The following ZNF705G variants were observed in gnomAD, a reference collection of about 807,000 sequenced individuals.
The protein encoded by ZNF705G is zinc finger protein 705G.
Under a neutral mutation model 19.6 loss-of-function variants are expected in ZNF705G, and 23 were observed. The ratio of observed to expected loss-of-function variants is 1.17; its 90% CI spans 0.84 to 1.66. ZNF705G has a LOEUF of 1.66. ZNF705G is among the 40% of genes most tolerant of loss of function. The pLI is 0.00. For synonymous variants in ZNF705G, 146 were observed against 117.7 expected (o/e 1.24, Z -1.56); for missense variants, 457 against 354.4 (o/e 1.29, Z -2.32).
intron 3 of ZNF705G, among the ~76,000 whole-genome samples, 191 bp downstream of exon 3, chr8:7,362,744 C>G (rs1806661585): frequency 6.7e-6 from 1 of 149,290 alleles, no homozygotes; most frequent in Non-Finnish European, 1.5e-5. Context: ...CCTGAGAAAA[C>G]TTAATGGGGG....
At chr8:7,382,721 A>G (rs1157637863) in intron 1 of ZNF705G, among the ~76,000 whole-genome samples, 3 of 146,690 alleles carry the variant, frequency 2.0e-5, no homozygotes, top group East Asian at 1.9e-4. Flanking sequence ...ATTTAATACC[A>G]CTGACATTAC....
At chr8:7,364,546 T>C (rs1806769813) in intron 2 of ZNF705G, among the ~76,000 whole-genome samples, 1 of 149,552 alleles carries the variant, frequency 6.7e-6, no homozygotes, top group Non-Finnish European at 1.5e-5. Flanking sequence ...CCAGCAATAC[T>C]TTTAATTATA....
At chr8:7,380,002 G>T (rs1807417122) in intron 2 of ZNF705G, among the ~76,000 whole-genome samples, 1 of 141,742 alleles carries the variant, frequency 7.1e-6, no homozygotes, top group African/African-American at 3.1e-5. Flanking sequence ...AATACCAGCT[G>T]AACTCACCAG....
chr8:7,368,011 C>A (rs1806938085), intron 2 of ZNF705G, among the ~76,000 whole-genome samples: 1 of 149,648 alleles, frequency 6.7e-6, no homozygotes, highest in Non-Finnish European at 1.5e-5. Context: ...AAGCAAGCAG[C>A]AAGACTCTTT....
chr8:7,367,595 G>C (rs1585418032), intron 2 of ZNF705G, among the ~76,000 whole-genome samples: 1 of 149,576 alleles, frequency 6.7e-6, no homozygotes, highest in South Asian at 2.1e-4. Flanking sequence ...CCTAAAGGAC[G>C]AATCACGGGA....
chr8:7,382,412 T>G (rs1222490188), intron 1 of ZNF705G, among the ~76,000 whole-genome samples: 2 of 146,690 alleles, frequency 1.4e-5, no homozygotes, highest in Non-Finnish European at 2.9e-5. Flanking sequence ...TGGTGCCTTT[T>G]TTCCCCAGAA....
At chr8:7,382,207 C>G (rs1348860952) in intron 1 of ZNF705G, among the ~76,000 whole-genome samples, 1 of 150,372 alleles carries the variant, frequency 6.7e-6, no homozygotes, top group South Asian at 2.1e-4. Context: ...ACAACAACGA[C>G]AACAATTCAT....
intron 2 of ZNF705G, among the ~76,000 whole-genome samples, chr8:7,370,081 G>A (rs995693183): frequency 1.1e-4 from 16 of 147,470 alleles, no homozygotes; most frequent in Admixed American, 6.0e-4. Context: ...GGCTAACACC[G>A]TGAAACCCTG....
At chr8:7,360,862 G>C (rs1484132689) in intron 4 of ZNF705G, among the ~76,000 whole-genome samples, 2 of 149,386 alleles carry the variant, frequency 1.3e-5, no homozygotes, top group East Asian at 3.9e-4. Context: ...ATTAGAGACT[G>C]AGTACCAAAG....
rs542048304 is a variant in ZNF705G, at chr8:7,367,827, A to C, written c.-71-4810T>G. Among the ~76,000 whole-genome samples the C allele has an allele frequency of 4.7e-5, 7 of 149,856 alleles. 1 individual carries two copies. Among genetic ancestry groups the C allele is most frequent in the Non-Finnish European group, 7.3e-5 (5 of 68,036 alleles). On this transcript the variant is annotated intron_variant, in intron 2 of 6. Transcript: ENST00000400156. ...TCTTTCTTCTAGGAGGCAAGGACTG[A>C]AGTTGCTTATGGACCCATGCAGCTA... is the stretch of plus-strand genomic sequence containing the variant.
intron 1 of ZNF705G, among the ~76,000 whole-genome samples, chr8:7,384,879 A>T (rs1171723373): frequency 6.8e-6 from 1 of 146,444 alleles, no homozygotes; most frequent in Non-Finnish European, 1.5e-5. Flanking sequence ...GTGGTATCTT[A>T]GTTGACATAA....
rs936651180 is a variant in ZNF705G at position 7,357,359 on chromosome 8, T to C, written c.*617A>G. ...TATTTTCCATTTTAGCAGCATTTTG[T>C]CACTCTTCTCTTGTGAACATCAAGC... On this transcript the variant is annotated 3_prime_UTR_variant, in exon 7 of 7. Transcript: ENST00000400156. 1 of 153,156 alleles carries C rather than the reference T, an allele frequency of 6.5e-6. No individual in the cohort carries two copies. The highest frequency in any genetic ancestry group is 1.4e-5 in the Non-Finnish European group (1 of 69,776). The allele number at this position is 153,156 out of a possible 1,614,324, so 9.5% of individuals were successfully genotyped here.
chr8:7,380,474 C>G (rs1182574934), intron 2 of ZNF705G, among the ~76,000 whole-genome samples: 1 of 147,544 alleles, frequency 6.8e-6, no homozygotes, highest in Admixed American at 6.6e-5. Flanking sequence ...CCATCAAGTA[C>G]CTGTGTGTCT....
intron 3 of ZNF705G, among the ~76,000 whole-genome samples, chr8:7,361,744 A>G: frequency 6.7e-6 from 1 of 149,702 alleles, no homozygotes; most frequent in East Asian, 1.9e-4. Flanking sequence ...AACTAATAGA[A>G]AACGTGTTTC....
At chr8:7,383,824 C>T (rs1424049750) in intron 1 of ZNF705G, among the ~76,000 whole-genome samples, 2 of 147,124 alleles carry the variant, frequency 1.4e-5, no homozygotes, top group East Asian at 1.9e-4. Context: ...GGACTTCCAA[C>T]CTCGAGAACT....
intron 2 of ZNF705G, among the ~76,000 whole-genome samples, chr8:7,379,047 T>C (rs1807369077): frequency 1.3e-5 from 2 of 150,638 alleles, no homozygotes; most frequent in African/African-American, 2.5e-5. Context: ...TTCTCATTCA[T>C]AGAGTTTTCT....
chr8:7,371,359 A>T (rs1402981765), intron 2 of ZNF705G, among the ~76,000 whole-genome samples: 2 of 141,470 alleles, frequency 1.4e-5, no homozygotes, highest in Non-Finnish European at 3.0e-5. Context: ...TTTCAGATAT[A>T]CCACGTAAGT....
chr8:7,362,617 A>G (rs1806654859), intron 3 of ZNF705G, among the ~76,000 whole-genome samples: 1 of 149,600 alleles, frequency 6.7e-6, no homozygotes, highest in African/African-American at 2.6e-5. Flanking sequence ...ATATAAATGA[A>G]ACCTCTCATA....
Position 7,362,591 on chromosome 8 carries a change from T to C in ZNF705G, c.12+344A>G, listed in dbSNP as rs187509892. Reference sequence around the variant, plus strand: ...TTTCCCTATGAGATTATAGGATGGATAGAAGAAAAAGAAATATATAAATGA... The same window carrying C: ...TTTCCCTATGAGATTATAGGATGGACAGAAGAAAAAGAAATATATAAATGA... On this transcript the variant is annotated intron_variant, in intron 3 of 6. Coordinates refer to ENST00000400156, the MANE Select transcript of ZNF705G (RefSeq NM_001164457.3). Among the ~76,000 whole-genome samples the C allele has an allele frequency of 2.7e-5, 4 of 149,824 alleles. 1 individual carries two copies. The highest frequency in any genetic ancestry group is 2.6e-4 in the Admixed American group (4 of 15,238).
Sources: gnomAD v4.1 joint callset for allele counts (sites outside exome capture counted in the v4.1 genomes callset) on GRCh38, gnomAD v4.1.1 for gene constraint, MANE v1.5 for transcripts, NCBI Gene and HGNC (gene_info 2026-07-23, HGNC 2026-07-21) for gene names.